The following RUNX1 variants were observed in gnomAD, a reference collection of about 807,000 sequenced individuals.
RUNX1 encodes the protein runt-related transcription factor 1.
RUNX1 carries 19 observed loss-of-function variants against 42.8 expected under a neutral mutation model. The ratio of observed to expected loss-of-function variants is 0.44; its 90% CI spans 0.31 to 0.65. The LOEUF (loss-of-function observed/expected upper bound fraction) is 0.65, where lower values mean the gene tolerates loss of function less well. RUNX1 is among the 30% of genes least tolerant of loss of function. The pLI is 0.07. For missense variants in RUNX1, 528 were observed against 672.0 expected, an observed-to-expected ratio of 0.79 and a Z score of 2.37; for synonymous variants, 271 against 289.4, an observed-to-expected ratio of 0.94 and a Z score of 0.64.
At chr21:34,840,449 G>A (rs1200023975) in intron 6 of RUNX1, among the ~76,000 whole-genome samples, 2 of 152,144 alleles carry the variant, frequency 1.3e-5, no homozygotes, top group Non-Finnish European at 2.9e-5. Flanking sequence ...CTGGAAGCCT[G>A]GAATTAAGAG....
chr21:34,872,414 A>G (rs997964792), intron 5 of RUNX1, among the ~76,000 whole-genome samples: 13 of 152,152 alleles, frequency 8.5e-5, no homozygotes, highest in East Asian at 1.9e-4. Flanking sequence ...CACATCCCTG[A>G]CCCAGGATAG....
intron 2 of RUNX1, among the ~76,000 whole-genome samples, chr21:34,939,029 C>T (rs1276018108): frequency 1.3e-5 from 2 of 152,146 alleles, no homozygotes; most frequent in Non-Finnish European, 2.9e-5. Flanking sequence ...CTTCACAAAA[C>T]TTTTATAGAT....
intron 2 of RUNX1, among the ~76,000 whole-genome samples, chr21:34,904,074 A>AT (rs1050901831): frequency 1.3e-5 from 2 of 152,136 alleles, no homozygotes; most frequent in Non-Finnish European, 2.9e-5. Flanking sequence ...AATAGTAAAC[A>AT]TTTTTTGCGG....
intron 5 of RUNX1, among the ~76,000 whole-genome samples, chr21:34,877,802 G>A (rs1410764420): frequency 6.6e-6 from 1 of 152,176 alleles, no homozygotes; most frequent in Non-Finnish European, 1.5e-5. Flanking sequence ...TTTCTATGAG[G>A]TTTACAATCC....
chr21:34,970,896 A>T (rs1041475230), intron 2 of RUNX1, among the ~76,000 whole-genome samples: 8 of 152,226 alleles, frequency 5.3e-5, no homozygotes, highest in Non-Finnish European at 1.2e-4. Flanking sequence ...AAAAGAAAAA[A>T]AAAGGTCTCC....
chr21:34,993,520 CACACACAT>C (rs1161609616), intron 2 of RUNX1, among the ~76,000 whole-genome samples: 1 of 149,882 alleles, frequency 6.7e-6, no homozygotes, highest in African/African-American at 2.5e-5. Flanking sequence ...CACACACACA[CACACACAT>C]ACATACAGGC....
At chr21:34,871,084 G>C (rs1208939023) in intron 5 of RUNX1, among the ~76,000 whole-genome samples, 1 of 152,204 alleles carries the variant, frequency 6.6e-6, no homozygotes, top group Non-Finnish European at 1.5e-5. Flanking sequence ...TGGATCTCTT[G>C]ATTTTGGAAA....
intron 2 of RUNX1, among the ~76,000 whole-genome samples, chr21:35,009,101 GA>G (rs774028932): frequency 2.6e-5 from 4 of 152,186 alleles, no homozygotes; most frequent in Non-Finnish European, 5.9e-5. Flanking sequence ...GGTCTATCAG[GA>G]GGGAGGTCCT....
intron 2 of RUNX1, among the ~76,000 whole-genome samples, chr21:34,950,358 T>C (rs1028672214): frequency 1.3e-5 from 2 of 152,208 alleles, no homozygotes; most frequent in Non-Finnish European, 2.9e-5. Flanking sequence ...GAAAGTAATT[T>C]TGTACTGCAG....
At chr21:35,021,256 A>G (rs1230053380) in intron 2 of RUNX1, among the ~76,000 whole-genome samples, 1 of 152,206 alleles carries the variant, frequency 6.6e-6, no homozygotes, top group Non-Finnish European at 1.5e-5. Context: ...TCTACTATGT[A>G]AAGATTGTTC....
At chr21:34,846,171 G>A (rs2057311970) in intron 6 of RUNX1, among the ~76,000 whole-genome samples, 1 of 145,398 alleles carries the variant, frequency 6.9e-6, no homozygotes, top group African/African-American at 2.5e-5. Flanking sequence ...GGACAATTGA[G>A]TACTTTGTGG....
intron 2 of RUNX1, among the ~76,000 whole-genome samples, chr21:35,036,315 T>C (rs1051551486): frequency 3.3e-5 from 5 of 152,226 alleles, no homozygotes; most frequent in Admixed American, 2.6e-4. Flanking sequence ...ATAATTAGCT[T>C]GCACATCTTT....
intron 2 of RUNX1, among the ~76,000 whole-genome samples, chr21:34,914,979 C>T (rs1008714767): frequency 9.8e-5 from 15 of 152,292 alleles, no homozygotes; most frequent in African/African-American, 3.6e-4. Context: ...CCTTGCTTCT[C>T]AGCTGTGTTC....
rs202039696 is a variant in RUNX1 at position 34,894,259 on chromosome 21, C to T, written c.59-1296G>A. 1.8e-4 allele frequency among the ~76,000 whole-genome samples: 28 copies of T among 152,270 alleles called. No homozygotes were observed. The East Asian group carries it at 5.2e-3, about 28-fold the overall frequency. On this transcript the variant is annotated intron_variant, in intron 2 of 8. Transcript: ENST00000675419. ...AATTATGTCTTGAGACCCAGAGAAG[C>T]TTTTCCATGTCTGAGTCTAAGAAAT...
At position 34,878,166 on chromosome 21, in the gene RUNX1, T is replaced by C. The variant is rs1022509636; in HGVS notation, c.508+2391A>G. 6.5e-5 allele frequency among the ~76,000 whole-genome samples: 7 copies of C among 107,074 alleles called. No homozygotes were observed. In the East Asian group the frequency reaches 1.2e-3, roughly 19 times the overall value. The allele number at this position is 107,074 out of a possible 152,430, so 70.2% of individuals were successfully genotyped here. On this transcript the variant is annotated intron_variant, in intron 5 of 8. Transcript: ENST00000675419. ...TGCTCTCTTCCTAATGGGAAGCAAA[T>C]TGCAAAAAAAAAAAAAAAGAAGAAG...
At chr21:34,926,447 G>C (rs2058394162) in intron 2 of RUNX1, among the ~76,000 whole-genome samples, 2 of 102,348 alleles carry the variant, frequency 2.0e-5, no homozygotes, top group African/African-American at 3.6e-5. Flanking sequence ...GGGCAACAGA[G>C]TGAGACCCAG....
In RUNX1 at chr21:34,859,494, T is replaced by C. The variant is rs1569061786; in HGVS notation, c.593A>G (p.Asp198Gly). ...TYHRAIKITV[D>G]GPREPRRHRQ... The stretch of plus-strand genomic sequence containing the variant: ...CTTACTTCGAGGTTCTCGGGGCCCA[T>C]CCACTGTGATTTTGATGGCTCTGTG... Residue 198 changes from aspartate to glycine, a missense_variant, in exon 6 of 9, where the codon GAT becomes GGT. Asp to Gly is a moderately conservative substitution (Grantham distance 94). Around this residue, in one of 3 missense-constraint regions of RUNX1, gnomAD observed 83 missense variants for 174.5 expected, o/e 0.48. Transcript: ENST00000675419. The C allele has an allele frequency of 6.2e-7, 1 of 1,613,872 alleles. No individual in the cohort carries two copies. Among genetic ancestry groups the C allele is most frequent in the East Asian group, 2.2e-5 (1 of 44,876 alleles).
At position 34,843,254 on chromosome 21, in the gene RUNX1, TAC is replaced by T. The variant is rs950763237; in HGVS notation, c.614-8655_614-8654del. Among the ~76,000 whole-genome samples the T allele has an allele frequency of 6.6e-6, 1 of 151,384 alleles. No homozygotes were observed. Among genetic ancestry groups the T allele is most frequent in the Non-Finnish European group, 1.5e-5 (1 of 67,850 alleles). ...ACACATGGGGATACACACATATAAA[TAC>T]ACACAGACACATGTACATACGTCAC... On this transcript the variant is annotated intron_variant, in intron 6 of 8. Coordinates refer to ENST00000675419, the MANE Select transcript of RUNX1 (RefSeq NM_001754.5). The surrounding 1 kb of genome is among the most constrained non-coding windows in gnomAD (Gnocchi z 4.8).
intron 7 of RUNX1, among the ~76,000 whole-genome samples, chr21:34,830,589 G>A (rs1282360483): frequency 6.6e-6 from 1 of 152,202 alleles, no homozygotes; most frequent in Non-Finnish European, 1.5e-5. Context: ...TGACCCAAGA[G>A]TGCACGCCCA....
Sources: gnomAD v4.1 joint callset for allele counts (sites outside exome capture counted in the v4.1 genomes callset) on GRCh38, gnomAD v4.1.1 for gene constraint, gnomAD v4.1.1 regional missense constraint, Gnocchi (gnomAD v3.1) non-coding constraint, MANE v1.5 for transcripts, NCBI Gene and HGNC (gene_info 2026-07-23, HGNC 2026-07-21) for gene names.